Variants in CNBD1 observed in about 807,000 individuals in gnomAD.
The protein encoded by CNBD1 is cyclic nucleotide binding domain containing 1.
A neutral mutation model predicts 54.4 loss-of-function variants in CNBD1; 71 were observed. That is an observed-to-expected ratio of 1.30 (90% CI 1.08 to 1.59). The LOEUF (loss-of-function observed/expected upper bound fraction) is 1.59, where lower values mean the gene tolerates loss of function less well. CNBD1 is among the 40% of genes most tolerant of loss of function. CNBD1 has a pLI of 0.00. For missense variants in CNBD1, 659 were observed against 518.0 expected, an observed-to-expected ratio of 1.27 and a Z score of -2.64; for synonymous variants, 182 against 170.7, an observed-to-expected ratio of 1.07 and a Z score of -0.51.
At chr8:87,420,898 C>T (rs1304652704) in intron 2 of CNBD1, among the ~76,000 whole-genome samples, 1 of 151,840 alleles carries the variant, frequency 6.6e-6, no homozygotes, top group Non-Finnish European at 1.5e-5. Context: ...TTGTATCTCC[C>T]TCATAACATG....
intron 4 of CNBD1, among the ~76,000 whole-genome samples, chr8:87,080,155 G>T (rs1385131207): frequency 6.6e-6 from 1 of 152,110 alleles, no homozygotes; most frequent in Non-Finnish European, 1.5e-5. Flanking sequence ...GTGTGTATCT[G>T]TCCTTTCATG....
Position 87,359,055 on chromosome 8 carries a change from A to G in CNBD1, c.1303+5269A>G, listed in dbSNP as rs115299161. Among the ~76,000 whole-genome samples the G allele has an allele frequency of 7.7e-3, 1,171 of 152,314 alleles. 12 individuals are homozygous for G. The highest frequency in any genetic ancestry group is 0.027 in the African/African-American group (1,110 of 41,576). On this transcript the variant is annotated intron_variant, in intron 10 of 10. Transcript: ENST00000518476. ...AAGACACATCTGGAAATGTTTTACC[A>G]GCTATCTGGGCATCCCTTAGCCCAG...
chr8:87,339,837 GTTTA>G (rs1380203175), intron 8 of CNBD1, among the ~76,000 whole-genome samples: 4 of 151,976 alleles, frequency 2.6e-5, no homozygotes, highest in Non-Finnish European at 4.4e-5. Flanking sequence ...TACTGATGCT[GTTTA>G]TTTATTAACG....
chr8:86,999,818 T>C (rs926106692), intron 4 of CNBD1, among the ~76,000 whole-genome samples: 6 of 152,188 alleles, frequency 3.9e-5, no homozygotes, highest in Non-Finnish European at 8.8e-5. Context: ...AGTTCAGTGA[T>C]GCTCTTCAAA....
intron 4 of CNBD1, among the ~76,000 whole-genome samples, chr8:87,009,109 C>T (rs1485045965): frequency 6.6e-6 from 1 of 151,392 alleles, no homozygotes; most frequent in Non-Finnish European, 1.5e-5. Flanking sequence ...TTTTATTTCC[C>T]CAGAAATTAC....
At chr8:87,024,391 G>A (rs995299595) in intron 4 of CNBD1, among the ~76,000 whole-genome samples, 3 of 149,882 alleles carry the variant, frequency 2.0e-5, no homozygotes, top group African/African-American at 7.4e-5. Flanking sequence ...CCAGGCTGGA[G>A]TGCAGTGGCA....
At chr8:86,970,401 A>G (rs998907962) in intron 4 of CNBD1, among the ~76,000 whole-genome samples, 8 of 151,938 alleles carry the variant, frequency 5.3e-5, no homozygotes, top group African/African-American at 1.5e-4. Context: ...TTGCTCACCA[A>G]TTCCCCTTTT....
chr8:87,338,475 GTTGTT>G (rs920000794), intron 8 of CNBD1, among the ~76,000 whole-genome samples: 1 of 151,318 alleles, frequency 6.6e-6, no homozygotes. Flanking sequence ...TGTTGTTGTT[GTTGTT>G]TTGTTTTGTT....
Position 87,351,781 on chromosome 8 carries a change from G to A in CNBD1, c.1139G>A (p.Arg380Gln), listed in dbSNP as rs369138086. 1.7e-5 allele frequency: 26 copies of A among 1,500,490 alleles called. No homozygotes were observed. The highest frequency in any genetic ancestry group is 4.3e-5 in the African/African-American group (3 of 69,464). 92.9% of individuals were successfully genotyped at this position (1,500,490 alleles called of 1,614,324 possible). ...YRSIIGFVKL[R>Q]SNKVKRSQKL... ...AGTATTATAGGATTTGTGAAACTACGATCAAATAAAGTGGTAAGTTTTCAA... is the reference window on the plus strand; with the variant it reads ...AGTATTATAGGATTTGTGAAACTACAATCAAATAAAGTGGTAAGTTTTCAA... The change falls in exon 9 of 11, where the codon CGA (arginine) becomes CAA (glutamine). Residue 380 changes from arginine (R) to glutamine (Q), a missense_variant. Physicochemically the swap from Arg to Gln is conservative, Grantham distance 43. Coordinates refer to ENST00000518476, the MANE Select transcript of CNBD1 (RefSeq NM_173538.3).
At chr8:87,389,663 A>G (rs146077079) in intron 2 of CNBD1, among the ~76,000 whole-genome samples, 5,231 of 152,290 alleles carry the variant, frequency 0.034, 286 homozygotes, top group African/African-American at 0.12. Flanking sequence ...TATCATAAAA[A>G]TGGCCATACT....
chr8:87,103,548 G>C (rs958666859), intron 4 of CNBD1, among the ~76,000 whole-genome samples: 1 of 152,186 alleles, frequency 6.6e-6, no homozygotes, highest in African/African-American at 2.4e-5. Flanking sequence ...CACGGCAGAA[G>C]GGGAAGCAAA....
intron 6 of CNBD1, among the ~76,000 whole-genome samples, chr8:87,238,447 G>T (rs1370036606): frequency 6.6e-6 from 1 of 152,050 alleles, no homozygotes; most frequent in Non-Finnish European, 1.5e-5. Flanking sequence ...TAGGAATTCT[G>T]CCTGTTTATT....
intron 4 of CNBD1, among the ~76,000 whole-genome samples, chr8:87,126,464 G>C (rs1483757794): frequency 2.6e-5 from 4 of 151,756 alleles, no homozygotes; most frequent in Non-Finnish European, 5.9e-5. Flanking sequence ...ATCTTTGTCG[G>C]TTCAAATCTT....
rs1350241419 is a variant in CNBD1, at chr8:87,253,347, C to A, written c.771+16235C>A. The stretch of plus-strand genomic sequence containing the variant: ...TAACAGAGTGGAGATCATAGTGTTT[C>A]TTCCCTGGCATCCTCTGCAGAATTG... On this transcript the variant is annotated intron_variant, in intron 6 of 10. Coordinates refer to ENST00000518476, the MANE Select transcript of CNBD1 (RefSeq NM_173538.3). Among the ~76,000 whole-genome samples, 4 of 152,082 alleles carry A rather than the reference C, an allele frequency of 2.6e-5. No individual in the cohort carries two copies. In the East Asian group the frequency reaches 7.7e-4, roughly 29 times the overall value.
At chr8:87,333,629 T>C (rs188342917) in intron 8 of CNBD1, among the ~76,000 whole-genome samples, 14 of 152,324 alleles carry the variant, frequency 9.2e-5, no homozygotes. Flanking sequence ...CCTATTGAGA[T>C]AATCATGTGG....
chr8:87,134,337 GA>G (rs1362358288), intron 4 of CNBD1, among the ~76,000 whole-genome samples: 4 of 151,832 alleles, frequency 2.6e-5, no homozygotes, highest in Non-Finnish European at 4.4e-5. Flanking sequence ...GATGTTTTAG[GA>G]AAAAAACTTC....
At chr8:87,386,030 A>G (rs1811177726), downstream of CNBD1, among the ~76,000 whole-genome samples, 2 of 152,102 alleles carry the variant, frequency 1.3e-5, no homozygotes, top group African/African-American at 4.8e-5. Context: ...CCTCCAGCAA[A>G]CTCCAACAGA....
At chr8:87,162,386 A>T (rs1307965451) in intron 4 of CNBD1, among the ~76,000 whole-genome samples, 1 of 152,084 alleles carries the variant, frequency 6.6e-6, no homozygotes, top group African/African-American at 2.4e-5. Context: ...TGCTGCTCTC[A>T]CCATTTTAAA....
chr8:87,353,155 T>G (rs1471346513), intron 9 of CNBD1, among the ~76,000 whole-genome samples: 2 of 152,186 alleles, frequency 1.3e-5, no homozygotes, highest in South Asian at 2.1e-4. Context: ...TCTTTTGTAC[T>G]TAAACAGAAA....
Sources: gnomAD v4.1 joint callset for allele counts (sites outside exome capture counted in the v4.1 genomes callset) on GRCh38, gnomAD v4.1.1 for gene constraint, MANE v1.5 for transcripts, NCBI Gene and HGNC (gene_info 2026-07-23, HGNC 2026-07-21) for gene names.